Variants in FHIT observed in about 807,000 individuals in gnomAD.
FHIT encodes bis(5'-adenosyl)-triphosphatase.
FHIT carries 19 observed loss-of-function variants against 17.9 expected under a neutral mutation model. The ratio of observed to expected loss-of-function variants is 1.06; its 90% CI spans 0.74 to 1.56. The LOEUF (loss-of-function observed/expected upper bound fraction) is 1.56. Among genes scored for constraint, FHIT ranks in the 40% most tolerant of loss-of-function variants. The pLI is 0.00. For missense variants in FHIT, 248 were observed against 189.2 expected, an observed-to-expected ratio of 1.31 and a Z score of -1.82; for synonymous variants, 81 against 69.7, an observed-to-expected ratio of 1.16 and a Z score of -0.81.
intron 5 of FHIT, among the ~76,000 whole-genome samples, chr3:60,450,663 C>A (rs146165500): frequency 6.6e-6 from 1 of 152,106 alleles, no homozygotes; most frequent in Non-Finnish European, 1.5e-5. Flanking sequence ...AATGCCAGCA[C>A]TGGGTTAAGT....
chr3:59,817,263 T>A (rs1034220166), intron 8 of FHIT, among the ~76,000 whole-genome samples: 4 of 152,126 alleles, frequency 2.6e-5, no homozygotes, highest in South Asian at 2.1e-4. Context: ...CTATCCCAGA[T>A]AGGTTATTTG....
chr3:60,537,590 G>T, intron 4 of FHIT: 1 of 283,790 alleles, frequency 3.5e-6, no homozygotes, highest in Non-Finnish European at 5.3e-6. Flanking sequence ...ACAATTCCTG[G>T]TTGTAACAGG....
chr3:60,222,482 G>T (rs1704006625), intron 5 of FHIT, among the ~76,000 whole-genome samples: 1 of 152,052 alleles, frequency 6.6e-6, no homozygotes, highest in African/African-American at 2.4e-5. Context: ...ATTAATTGTG[G>T]TTCTTGCCAT....
At chr3:61,183,866 T>C (rs147920471) in intron 2 of FHIT, among the ~76,000 whole-genome samples, 51 of 150,664 alleles carry the variant, frequency 3.4e-4, no homozygotes, top group African/African-American at 1.2e-3. Context: ...CTCGGTGGCA[T>C]TAATGGGCAA....
intron 5 of FHIT, among the ~76,000 whole-genome samples, chr3:60,285,946 G>A (rs988795443): frequency 5.9e-5 from 9 of 152,102 alleles, no homozygotes; most frequent in Admixed American, 6.5e-5. Flanking sequence ...CTCACGGCTA[G>A]CCACTCCACG....
chr3:59,922,844 G>C (rs1021458443), intron 7 of FHIT, among the ~76,000 whole-genome samples: 1 of 152,150 alleles, frequency 6.6e-6, no homozygotes, highest in African/African-American at 2.4e-5. Flanking sequence ...CAGAATTACA[G>C]ACTTGGGGCT....
chr3:60,910,344 G>A (rs377532424), intron 3 of FHIT, among the ~76,000 whole-genome samples: 8 of 152,062 alleles, frequency 5.3e-5, no homozygotes, highest in South Asian at 2.1e-4. Context: ...AGGACTGTGA[G>A]GGGGGTGAGA....
chr3:61,015,655 T>C (rs1461124824), intron 3 of FHIT, among the ~76,000 whole-genome samples: 3 of 152,176 alleles, frequency 2.0e-5, no homozygotes. Flanking sequence ...CAACTCCTGG[T>C]TATTAGAATA....
chr3:60,349,006 G>C lies in FHIT; in HGVS notation c.103+187854C>G, dbSNP rs555940580. Among the ~76,000 whole-genome samples the C allele has an allele frequency of 3.3e-5, 5 of 152,274 alleles. No homozygotes were observed. The East Asian group carries it at 9.6e-4, about 29-fold the overall frequency. ...TGACCCCAGCTGATTGTAGGTATAA[G>C]AGAAATAAACATGTGTAGTATGGCA... On this transcript the variant is annotated intron_variant, in intron 5 of 9. Coordinates refer to ENST00000492590, the MANE Select transcript of FHIT (RefSeq NM_002012.4).
intron 5 of FHIT, among the ~76,000 whole-genome samples, chr3:60,535,515 T>C (rs1360770478): frequency 6.6e-6 from 1 of 152,052 alleles, no homozygotes; most frequent in African/African-American, 2.4e-5. Flanking sequence ...TCAGGTCTTT[T>C]AAAAGATTTC....
chr3:60,571,681 T>C (rs1218944741), intron 4 of FHIT, among the ~76,000 whole-genome samples: 1 of 152,090 alleles, frequency 6.6e-6, no homozygotes, highest in African/African-American at 2.4e-5. Flanking sequence ...AACTTTTGGA[T>C]TCAAAAGAAA....
chr3:60,914,354 A>T (rs529129189), intron 3 of FHIT, among the ~76,000 whole-genome samples: 124 of 152,200 alleles, frequency 8.1e-4, no homozygotes, highest in Non-Finnish European at 1.4e-3. Flanking sequence ...AGATAATAAC[A>T]GAAATGATGT....
chr3:60,305,114 G>T (rs971329087), intron 5 of FHIT, among the ~76,000 whole-genome samples: 15 of 151,912 alleles, frequency 9.9e-5, no homozygotes, highest in Non-Finnish European at 1.6e-4. Flanking sequence ...AGAAAACACA[G>T]AATATTCCTT....
At chr3:60,694,357 C>T (rs1553700116) in intron 4 of FHIT, among the ~76,000 whole-genome samples, 2 of 151,592 alleles carry the variant, frequency 1.3e-5, no homozygotes, top group Non-Finnish European at 2.9e-5. Flanking sequence ...ATTAAAACCA[C>T]AATGAGATAT....
chr3:59,787,529 C>CACGT (rs926298770), intron 8 of FHIT, among the ~76,000 whole-genome samples: 15 of 147,710 alleles, frequency 1.0e-4, no homozygotes, highest in African/African-American at 3.6e-4. Context: ...CACACACACA[C>CACGT]GTCAAAGGCT....
intron 4 of FHIT, among the ~76,000 whole-genome samples, chr3:60,655,477 T>C (rs1456476578): frequency 6.6e-6 from 1 of 152,162 alleles, no homozygotes; most frequent in Non-Finnish European, 1.5e-5. Flanking sequence ...TGGATTTATT[T>C]ATAACGAGGA....
chr3:60,337,340 C>T (rs141475058), intron 5 of FHIT, among the ~76,000 whole-genome samples: 1 of 151,932 alleles, frequency 6.6e-6, no homozygotes, highest in African/African-American at 2.4e-5. Flanking sequence ...ATCTGAAAAA[C>T]TCGGTTTCGT....
intron 8 of FHIT, among the ~76,000 whole-genome samples, chr3:59,773,667 C>T (rs1259916758): frequency 6.6e-6 from 1 of 152,066 alleles, no homozygotes; most frequent in Non-Finnish European, 1.5e-5. Context: ...GCACTTTCTT[C>T]CTTTCTTCCC....
intron 5 of FHIT, among the ~76,000 whole-genome samples, chr3:60,190,179 G>C (rs772676167): frequency 1.3e-5 from 2 of 152,166 alleles, no homozygotes; most frequent in African/African-American, 2.4e-5. Context: ...AAGTTGAATT[G>C]TGATTGACTG....
Sources: allele counts gnomAD v4.1 joint callset (sites outside exome capture counted in the v4.1 genomes callset), GRCh38; gene constraint gnomAD v4.1.1; transcripts MANE v1.5; gene names NCBI Gene and HGNC (gene_info 2026-07-23, HGNC 2026-07-21).